IDO2: variants seen among roughly 807,000 people sequenced by gnomAD.
IDO2 encodes the protein indoleamine 2,3-dioxygenase 2, also known as indoleamine 2,3-dioxygenase-like 1 protein.
IDO2 carries 46 observed loss-of-function variants against 45.1 expected under a neutral mutation model. The observed-to-expected ratio is 1.02, with a 90% CI of 0.80 to 1.30. IDO2 has a LOEUF of 1.30. IDO2 is among the 50% of genes most tolerant of loss of function. The pLI, the probability that IDO2 is intolerant of heterozygous loss-of-function variation, is 0.00. For synonymous variants in IDO2, 218 were observed against 184.9 expected (o/e 1.18, Z -1.45); for missense variants, 544 against 491.8 (o/e 1.11, Z -1.00).
At chr8:39,939,799 A>G (rs1807616646) in intron 1 of IDO2, among the ~76,000 whole-genome samples, 1 of 152,168 alleles carries the variant, frequency 6.6e-6, no homozygotes, top group South Asian at 2.1e-4. Context: ...GAAGTAATTA[A>G]TGAACTGGGC....
intron 10 of IDO2, among the ~76,000 whole-genome samples, chr8:40,014,752 C>G (rs1234283943): frequency 6.6e-6 from 1 of 152,150 alleles, no homozygotes; most frequent in Non-Finnish European, 1.5e-5. Context: ...CTCCTGTCAA[C>G]TGTTAGAAAT....
chr8:40,002,712 G>A (rs1295699551), intron 8 of IDO2, among the ~76,000 whole-genome samples: 5 of 152,052 alleles, frequency 3.3e-5, no homozygotes, highest in Admixed American at 3.3e-4. Context: ...CCTGGCAGGC[G>A]GGGGGTGCAG....
chr8:39,945,855 G>A (rs1861903), intron 1 of IDO2, among the ~76,000 whole-genome samples: 120,826 of 152,148 alleles, frequency 0.79, 49,009 homozygotes, highest in South Asian at 0.87. Context: ...AATCGATTCC[G>A]TCTTGCTTCT....
At chr8:40,013,539 ATC>A (rs1802339391) in intron 9 of IDO2, 24 bp from the exon 10 acceptor site, 2 of 1,603,750 alleles carry the variant, frequency 1.2e-6, no homozygotes, top group Non-Finnish European at 1.7e-6. Context: ...CACCCCTTTC[ATC>A]TCTCTCACTT....
At chr8:39,981,905 G>A (rs1808359314) in intron 4 of IDO2, among the ~76,000 whole-genome samples, 1 of 152,150 alleles carries the variant, frequency 6.6e-6, no homozygotes, top group South Asian at 2.1e-4. Flanking sequence ...GAGCCGTGGA[G>A]GGTTCCTTGG....
At chr8:39,937,106 C>T (rs987408342) in intron 1 of IDO2, among the ~76,000 whole-genome samples, 31 of 152,272 alleles carry the variant, frequency 2.0e-4, no homozygotes, top group African/African-American at 6.5e-4. Flanking sequence ...CCTTTTCTGC[C>T]GCTTTCAATG....
At chr8:39,949,076 G>T in intron 1 of IDO2, 73 bp from the exon 2 acceptor site, 1 of 1,535,456 alleles carries the variant, frequency 6.5e-7, no homozygotes, top group Non-Finnish European at 8.8e-7. Flanking sequence ...GCAACTAACT[G>T]GAACCGAAGG....
intron 3 of IDO2, among the ~76,000 whole-genome samples, chr8:39,978,657 A>G (rs1399505231): frequency 3.3e-5 from 5 of 152,158 alleles, no homozygotes; most frequent in Admixed American, 6.5e-5. Context: ...GGTCAGCGAT[A>G]GCAAGCAGGC....
intron 8 of IDO2, among the ~76,000 whole-genome samples, chr8:39,996,329 T>G (rs929587603): frequency 6.6e-6 from 1 of 152,212 alleles, no homozygotes; most frequent in Non-Finnish European, 1.5e-5. Flanking sequence ...GTGAAAGTAC[T>G]AAAAGTCTTT....
intron 9 of IDO2, among the ~76,000 whole-genome samples, chr8:40,010,084 G>A (rs192889404): frequency 5.3e-5 from 8 of 152,176 alleles, no homozygotes; most frequent in Admixed American, 2.0e-4. Flanking sequence ...TAATAAAAGC[G>A]TCATACAATA....
chr8:39,963,087 T>G (rs377243486), intron 2 of IDO2, among the ~76,000 whole-genome samples: 1 of 152,334 alleles, frequency 6.6e-6, no homozygotes, highest in Middle Eastern at 3.4e-3. Flanking sequence ...GTCTGCCTCC[T>G]GCCTCTATCA....
intron 9 of IDO2, among the ~76,000 whole-genome samples, chr8:40,011,843 T>C (rs921627980): frequency 3.3e-5 from 5 of 152,250 alleles, no homozygotes; most frequent in Non-Finnish European, 7.3e-5. Context: ...TTAAATTCCA[T>C]ATCTGCTTGA....
At chr8:40,015,264 A>G (rs1427931250) in exon 11 of IDO2, 6 of 1,607,548 alleles carry the variant, frequency 3.7e-6, no homozygotes, top group Non-Finnish European at 5.1e-6. Flanking sequence ...TCTGTACAGA[A>G]TGAGGGATTA....
intron 1 of IDO2, among the ~76,000 whole-genome samples, chr8:39,939,262 A>G (rs895514400): frequency 2.2e-5 from 3 of 135,958 alleles, no homozygotes; most frequent in African/African-American, 5.5e-5. Flanking sequence ...AAAAAAAAAA[A>G]GAGGCCAGGA....
intron 2 of IDO2, among the ~76,000 whole-genome samples, chr8:39,955,038 T>G (rs760418519): frequency 9.9e-5 from 15 of 151,382 alleles, no homozygotes; most frequent in Non-Finnish European, 1.8e-4. Flanking sequence ...AAAGGCCTCA[T>G]TTCAATGTAC....
rs190713968 is a variant in IDO2, at chr8:39,944,482, A to G, written c.-17-4667A>G. On this transcript the variant is annotated intron_variant, in intron 1 of 10. Transcript: ENST00000502986. ...TAGCTAAGAGAGCCAGACAGACTCC[A>G]TCTTGGCTCTTTCACTGGCAGCCCC... is the stretch of plus-strand genomic sequence containing the variant. 1.6e-3 allele frequency among the ~76,000 whole-genome samples: 237 copies of G among 152,236 alleles called. 1 individual carries two copies. The highest frequency in any genetic ancestry group is 5.4e-3 in the African/African-American group (223 of 41,562).
intron 1 of IDO2, among the ~76,000 whole-genome samples, chr8:39,946,556 G>A (rs571473697): frequency 6.6e-6 from 1 of 152,248 alleles, no homozygotes; most frequent in South Asian, 2.1e-4. Flanking sequence ...ACAGTGAGCC[G>A]AGATCATGCC....
exon 5 of IDO2, chr8:39,982,744 G>A (rs1209430412): frequency 8.7e-6 from 14 of 1,603,542 alleles, no homozygotes; most frequent in African/African-American, 2.7e-5. Flanking sequence ...TGGTGCTGAC[G>A]AACTGGACCA....
intron 9 of IDO2, among the ~76,000 whole-genome samples, chr8:40,009,005 A>T (rs958822725): frequency 1.3e-5 from 2 of 149,624 alleles, no homozygotes; most frequent in Admixed American, 6.7e-5. Context: ...TTTATTATTT[A>T]TATTTATTTA....
Sources: allele counts gnomAD v4.1 joint callset (sites outside exome capture counted in the v4.1 genomes callset), GRCh38; gene constraint gnomAD v4.1.1; transcripts MANE v1.5; gene names NCBI Gene and HGNC (gene_info 2026-07-23, HGNC 2026-07-21).